VWF: variants seen among roughly 807,000 people sequenced by gnomAD.
The protein encoded by VWF is Factor VIII related antigen.
In VWF, 176 loss-of-function variants were observed where a neutral mutation model predicts 308.6. The observed-to-expected ratio is 0.57, with a 90% CI of 0.50 to 0.65. The LOEUF (loss-of-function observed/expected upper bound fraction) is 0.65. Among genes scored for constraint, VWF ranks in the 30% least tolerant of loss-of-function variants. The pLI, the probability that VWF is intolerant of heterozygous loss-of-function variation, is 0.00. For missense variants in VWF, 3,146 were observed against 3,648.2 expected, an observed-to-expected ratio of 0.86 and a Z score of 3.55; for synonymous variants, 1,385 against 1,443.4, an observed-to-expected ratio of 0.96 and a Z score of 0.92.
chr12:6,052,546 A>C lies in VWF; in HGVS notation c.2183T>G (p.Met728Arg). ...PEDIFSDHHT[M>R]CYCEDGFMHC... Reference sequence around the variant, plus strand: ...TGACACTGCTGCCTGCACTTACCACATGGTGTGATGGTCTGAGAAGATGTC... The same window carrying C: ...TGACACTGCTGCCTGCACTTACCACCTGGTGTGATGGTCTGAGAAGATGTC... The change falls in exon 16 of 52, where the codon ATG becomes AGG. Residue 728 changes from methionine (M) to arginine (R), a missense_variant. Physicochemically the swap from Met to Arg is moderately conservative, Grantham distance 91. Coordinates refer to ENST00000261405, the MANE Select transcript of VWF (RefSeq NM_000552.5). 7 of 1,614,190 alleles carry C rather than the reference A, an allele frequency of 4.3e-6. No homozygotes were observed. The highest frequency in any genetic ancestry group is 5.9e-6 in the Non-Finnish European group (7 of 1,180,044).
At chr12:5,950,909 CAT>C (rs1943183364) in intron 50 of VWF, among the ~76,000 whole-genome samples, 1 of 152,106 alleles carries the variant, frequency 6.6e-6, no homozygotes, top group African/African-American at 2.4e-5. Context: ...AAATGGGAAT[CAT>C]AGAAAGACAT....
chr12:5,996,155 G>T lies in VWF; in HGVS notation c.5910C>A (p.Gly1970=). 1.2e-6 allele frequency: 2 copies of T among 1,614,098 alleles called. No homozygotes were observed. Among genetic ancestry groups the T allele is most frequent in the South Asian group, 1.1e-5 (1 of 91,064 alleles). ...TTTGAAATAGGACATAAGAACAGCTGCCAGTCAGCTTGAAATTCTGCCCAT... is the reference window on the plus strand; with the variant it reads ...TTTGAAATAGGACATAAGAACAGCTTCCAGTCAGCTTGAAATTCTGCCCAT... ...TFDGQNFKLT[G]SCSYVLFQNK... is the part of the protein sequence containing the mutation. Residue 1970 remains glycine, a synonymous_variant, in exon 35 of 52, where the codon GGC becomes GGA. Transcript: ENST00000261405.
chr12:5,995,980 AT>A, intron 35 of VWF, 21 bp downstream of exon 35: 8 of 1,609,542 alleles, frequency 5.0e-6, no homozygotes, highest in Non-Finnish European at 6.8e-6. Context: ...CTTACCACGG[AT>A]CCACAGAAAG....
At chr12:6,118,050 T>G (rs532632846) in intron 3 of VWF, among the ~76,000 whole-genome samples, 2 of 152,126 alleles carry the variant, frequency 1.3e-5, no homozygotes, top group African/African-American at 2.4e-5. Flanking sequence ...GAGGGCTTCC[T>G]GAAGGAGGTG....
Position 5,981,894 on chromosome 12 carries a change from C to T in VWF, c.7179G>A (p.Glu2393=). Residue 2393 remains glutamate, a synonymous_variant, in exon 42 of 52, where the codon GAG becomes GAA. Transcript: ENST00000261405. Reference sequence around the variant, plus strand: ...TGGAGTTGACACAGTTGCAGGCACACTCATACTCATCACAGCACTGGGTCT... The same window carrying T: ...TGGAGTTGACACAGTTGCAGGCACATTCATACTCATCACAGCACTGGGTCT... ...LRKTQCCDEY[E]CACNCVNSTV... is the part of the protein sequence containing the mutation. The T allele has an allele frequency of 2.5e-6, 4 of 1,611,690 alleles. No individual in the cohort carries two copies. The highest frequency in any genetic ancestry group is 3.4e-6 in the Non-Finnish European group (4 of 1,178,736).
intron 16 of VWF, among the ~76,000 whole-genome samples, chr12:6,049,978 C>G (rs1320055910): frequency 6.6e-6 from 1 of 152,224 alleles, no homozygotes; most frequent in Non-Finnish European, 1.5e-5. Context: ...CTGGCCCACT[C>G]CCCTTAGGGA....
intron 34 of VWF, among the ~76,000 whole-genome samples, chr12:5,999,858 G>A (rs1049954360): frequency 6.6e-6 from 1 of 151,810 alleles, no homozygotes; most frequent in African/African-American, 2.4e-5. Flanking sequence ...ACTTGGTGGG[G>A]GTGGGTAATA....
Position 6,123,175 on chromosome 12 carries a change from C to T in VWF, c.22G>A (p.Gly8Arg), listed in dbSNP as rs201015235. Residue 8 changes from glycine (G) to arginine (R), a missense_variant, in exon 2 of 52, where the codon GGG (glycine) becomes AGG (arginine). By Grantham distance (125) the Gly-to-Arg change is moderately radical. Around this residue, in one of 3 missense-constraint regions of VWF, gnomAD observed 1,304 missense variants for 1,353.0 expected, o/e 0.96. Transcript: ENST00000261405. Reference sequence around the variant, plus strand: ...ATGAGGGCCAGAGCAAGCAGCACCCCGGCAAATCTGGCAGGAATCATCTGC... The same window carrying T: ...ATGAGGGCCAGAGCAAGCAGCACCCTGGCAAATCTGGCAGGAATCATCTGC... MIPARFA[G>R]VLLALALILP... 6.9e-5 allele frequency: 112 copies of T among 1,614,058 alleles called. No homozygotes were observed. Among genetic ancestry groups the T allele is most frequent in the African/African-American group, 9.3e-5 (7 of 74,932 alleles).
Position 6,058,131 on chromosome 12 carries a change from A to C in VWF, c.1534-87T>G, listed in dbSNP as rs1944611058. On this transcript the variant is annotated intron_variant, in intron 13 of 51. Transcript: ENST00000261405. This position sits in a 1 kb window ranked among gnomAD's most constrained non-coding sequence, Gnocchi z 4.9. Reference sequence around the variant, plus strand: ...GCTAATGAGATGGTTTTAATAAAAAAAAAAAAGTTCCCCGGGTGAAACATA... The same window carrying C: ...GCTAATGAGATGGTTTTAATAAAAACAAAAAAGTTCCCCGGGTGAAACATA... The C allele has an allele frequency of 6.7e-7, 1 of 1,488,298 alleles. No homozygotes were observed. The highest frequency in any genetic ancestry group is 9.1e-7 in the Non-Finnish European group (1 of 1,104,676). 92.2% of individuals were successfully genotyped at this position (1,488,298 alleles called of 1,614,324 possible).
intron 42 of VWF, among the ~76,000 whole-genome samples, chr12:5,981,265 G>A (rs1014629214): frequency 1.3e-5 from 2 of 151,914 alleles, no homozygotes; most frequent in African/African-American, 4.8e-5. Flanking sequence ...GTGGTGGTGT[G>A]CACTTGTAAT....
Position 6,103,495 on chromosome 12 carries a change from TACACACAC to T in VWF, c.532+6871_532+6878del, listed in dbSNP as rs1367582640. 7.0e-4 allele frequency among the ~76,000 whole-genome samples: 95 copies of T among 135,750 alleles called. 9 individuals carry two copies. The highest frequency in any genetic ancestry group is 2.9e-3 in the African/African-American group (88 of 30,040). 89.1% of individuals were successfully genotyped at this position (135,750 alleles called of 152,430 possible). A position where few individuals can be genotyped will look rare whatever the true frequency, so the allele number is the denominator to read the frequency against. The stretch of plus-strand genomic sequence containing the variant: ...ATGTGTGTATATACATATATGTGTA[TACACACAC>T]GTATATATATACACACATATGTGTA... On this transcript the variant is annotated intron_variant, in intron 5 of 51. Coordinates refer to ENST00000261405, the MANE Select transcript of VWF (RefSeq NM_000552.5).
chr12:6,110,537 C>T lies in VWF; in HGVS notation c.369G>A (p.Glu123=). 4 of 1,614,216 alleles carry T rather than the reference C, an allele frequency of 2.5e-6. No individual in the cohort carries two copies. Among genetic ancestry groups the T allele is most frequent in the Non-Finnish European group, 3.4e-6 (4 of 1,180,046 alleles). Residue 123 remains glutamate, a synonymous_variant, in exon 5 of 52, where the codon GAG becomes GAA. Coordinates refer to ENST00000261405, the MANE Select transcript of VWF (RefSeq NM_000552.5). ...CACCGGACAGCTTGTAGTACCCAGC[C>T]TCAGTTTCTAGATACAGCCCTTTGG... ...YASKGLYLET[E]AGYYKLSGEA... is the part of the protein sequence containing the mutation.
intron 6 of VWF, among the ~76,000 whole-genome samples, chr12:6,082,042 C>A (rs919059843): frequency 6.6e-6 from 1 of 152,098 alleles, no homozygotes; most frequent in Non-Finnish European, 1.5e-5. Context: ...TCTCGGCTCA[C>A]TGCAACCTCT....
chr12:6,030,928 C>G (rs1221126978), intron 21 of VWF, among the ~76,000 whole-genome samples: 1 of 152,130 alleles, frequency 6.6e-6, no homozygotes, highest in Non-Finnish European at 1.5e-5. Context: ...ACTAAGGAGG[C>G]TGATGCAGGA....
intron 45 of VWF, 127 bp from the exon 46 acceptor site, chr12:5,968,294 C>T (rs1943428975): frequency 9.5e-6 from 11 of 1,163,272 alleles, no homozygotes; most frequent in Middle Eastern, 2.6e-4. Flanking sequence ...TCGGCCCTTT[C>T]CCCCCACCCC....
intron 1 of VWF, 47 bp from the exon 2 acceptor site, chr12:6,123,243 G>T: frequency 6.2e-7 from 1 of 1,612,508 alleles, no homozygotes; most frequent in Non-Finnish European, 8.5e-7. Flanking sequence ...GCCCAGGTAG[G>T]CGGCTGCTGG....
intron 18 of VWF, among the ~76,000 whole-genome samples, chr12:6,039,421 T>A (rs1565840032): frequency 2.0e-5 from 3 of 152,206 alleles, no homozygotes; most frequent in South Asian, 2.1e-4. Context: ...CTCCAGAATC[T>A]TTTTTACCTT....
chr12:6,016,832 C>T lies in VWF; in HGVS notation c.5092G>A (p.Gly1698Ser), dbSNP rs760973223. The stretch of plus-strand genomic sequence containing the variant: ...TAAGAAGCTGGGAAACTGGAGGAGC[C>T]ATCCAGGAGAAGGATCACGTCCAGG... ...QPLDVILLLD[G>S]SSSFPASYFD... The change falls in exon 29 of 52, where the codon GGC becomes AGC. Residue 1698 changes from glycine (G) to serine (S), a missense_variant. This residue lies in a region of VWF where 853 missense variants were observed against 1,177.8 expected (regional missense o/e 0.72). Coordinates refer to ENST00000261405, the MANE Select transcript of VWF (RefSeq NM_000552.5). 6.8e-6 allele frequency: 11 copies of T among 1,613,980 alleles called. No homozygotes were observed. In the African/African-American group the frequency reaches 1.3e-4, roughly 20 times the overall value.
In VWF at chr12:6,063,002, C is replaced by T. The variant is rs1944671272; in HGVS notation, c.1485G>A (p.Gly495=). The change falls in exon 13 of 52, where the codon GGG becomes GGA. Residue 495 remains glycine (G), a synonymous_variant. Transcript: ENST00000261405. The surrounding 1 kb of genome is among the most constrained non-coding windows in gnomAD (Gnocchi z 4.9). ...CATCCCAGTCCATCTGCAGGTCCTC[C>T]CCGTAGCTGAGGCGCACGGAGGCCG... ...TVTASVRLSY[G]EDLQMDWDGR... is the part of the protein sequence containing the mutation. 1 of 1,613,482 alleles carries T rather than the reference C, an allele frequency of 6.2e-7. No homozygotes were observed. Among genetic ancestry groups the T allele is most frequent in the South Asian group, 1.1e-5 (1 of 91,082 alleles).
Sources: gnomAD v4.1 joint callset for allele counts (sites outside exome capture counted in the v4.1 genomes callset) on GRCh38, gnomAD v4.1.1 for gene constraint, gnomAD v4.1.1 regional missense constraint, Gnocchi (gnomAD v3.1) non-coding constraint, MANE v1.5 for transcripts, NCBI Gene and HGNC (gene_info 2026-07-23, HGNC 2026-07-21) for gene names.